EXOC6B: variants seen among roughly 807,000 people sequenced by gnomAD.
The protein encoded by EXOC6B is exocyst complex component 6B, also known as SEC15 homolog B.
In EXOC6B, 54 loss-of-function variants were observed where a neutral mutation model predicts 113.5. The ratio of observed to expected loss-of-function variants is 0.48; its 90% CI spans 0.38 to 0.60. EXOC6B has a LOEUF of 0.60. EXOC6B is among the 20% of genes least tolerant of loss of function. The pLI, the probability that EXOC6B is intolerant of heterozygous loss-of-function variation, is 0.00. For missense variants in EXOC6B, 797 were observed against 977.5 expected (o/e 0.82, Z 2.46); for synonymous variants, 357 against 339.0 (o/e 1.05, Z -0.58).
chr2:72,550,805 A>G (rs945785444), intron 8 of EXOC6B, among the ~76,000 whole-genome samples: 1 of 151,992 alleles, frequency 6.6e-6, no homozygotes, highest in African/African-American at 2.4e-5. Flanking sequence ...CAGAACCCCT[A>G]TCTACATGTC....
At chr2:72,297,638 C>T (rs1358085574) in intron 20 of EXOC6B, among the ~76,000 whole-genome samples, 1 of 152,110 alleles carries the variant, frequency 6.6e-6, no homozygotes, top group Admixed American at 6.5e-5. Context: ...CTCTTGTGGG[C>T]ATTTAGTGCT....
intron 20 of EXOC6B, among the ~76,000 whole-genome samples, chr2:72,320,161 AAATT>A (rs1687768154): frequency 6.7e-6 from 1 of 150,096 alleles, no homozygotes; most frequent in African/African-American, 2.4e-5. Flanking sequence ...AGAAATTGAC[AAATT>A]GATTGTAAGA....
chr2:72,593,723 A>G (rs1051810388), intron 6 of EXOC6B, among the ~76,000 whole-genome samples: 1 of 152,108 alleles, frequency 6.6e-6, no homozygotes, highest in African/African-American at 2.4e-5. Context: ...AAGGAATCAA[A>G]GGCAAAACAG....
intron 7 of EXOC6B, among the ~76,000 whole-genome samples, chr2:72,568,211 G>A (rs1009163464): frequency 6.6e-6 from 1 of 151,948 alleles, no homozygotes; most frequent in Admixed American, 6.6e-5. Context: ...TGAACAGATG[G>A]ATATTAAGGG....
At chr2:72,394,889 A>G (rs1486787854) in intron 18 of EXOC6B, among the ~76,000 whole-genome samples, 1 of 151,972 alleles carries the variant, frequency 6.6e-6, no homozygotes, top group African/African-American at 2.4e-5. Context: ...TTCAAGACAC[A>G]CCCTCTCAAC....
At chr2:72,331,148 C>T (rs898890921) in intron 20 of EXOC6B, among the ~76,000 whole-genome samples, 1 of 152,086 alleles carries the variant, frequency 6.6e-6, no homozygotes, top group African/African-American at 2.4e-5. Context: ...CTTCATCCTT[C>T]AATGTAGTAC....
intron 18 of EXOC6B, among the ~76,000 whole-genome samples, chr2:72,401,527 ATATATATATATATATATGTG>A (rs1693193291): frequency 2.1e-3 from 9 of 4,302 alleles, no homozygotes; most frequent in Admixed American, 3.3e-3. Context: ...ATATATACAT[ATATATATATATATATATGTG>A]TATATATATA....
chr2:72,483,539 A>G (rs1188671956), intron 16 of EXOC6B, among the ~76,000 whole-genome samples: 1 of 152,238 alleles, frequency 6.6e-6, no homozygotes, highest in Non-Finnish European at 1.5e-5. Context: ...CTGTCAACAC[A>G]AAAGATCACT....
chr2:72,185,169 C>A (rs979073789), intron 20 of EXOC6B, among the ~76,000 whole-genome samples: 1 of 152,236 alleles, frequency 6.6e-6, no homozygotes, highest in Non-Finnish European at 1.5e-5. Context: ...GAGGGAGAAC[C>A]CTCACAGTAC....
intron 20 of EXOC6B, among the ~76,000 whole-genome samples, chr2:72,269,830 T>C (rs11893107): frequency 0.014 from 2,163 of 152,260 alleles, 51 homozygotes; most frequent in African/African-American, 0.049. Flanking sequence ...CATAGATTTG[T>C]CTAGCACACA....
intron 11 of EXOC6B, 139 bp downstream of exon 11, chr2:72,512,992 AC>A: frequency 1.0e-6 from 1 of 963,918 alleles, no homozygotes; most frequent in Non-Finnish European, 1.5e-6. Flanking sequence ...TGAAGCAGCT[AC>A]TTCTATGTCT....
intron 15 of EXOC6B, among the ~76,000 whole-genome samples, chr2:72,494,813 C>T (rs901743305): frequency 1.3e-5 from 2 of 152,078 alleles, no homozygotes; most frequent in African/African-American, 2.4e-5. Flanking sequence ...TATTTCTATA[C>T]CAAGCAGCAT....
At chr2:72,389,736 A>C (rs1321189977) in intron 18 of EXOC6B, among the ~76,000 whole-genome samples, 1 of 152,144 alleles carries the variant, frequency 6.6e-6, no homozygotes, top group Admixed American at 6.6e-5. Flanking sequence ...GTTTCTGATT[A>C]AAAAGAAGTA....
intron 6 of EXOC6B, among the ~76,000 whole-genome samples, chr2:72,710,429 A>T (rs1679198316): frequency 6.6e-6 from 1 of 152,138 alleles, no homozygotes; most frequent in African/African-American, 2.4e-5. Context: ...GAAAAAAAAA[A>T]TGTTTAAAAA....
chr2:72,411,642 A>C (rs1036902629), intron 18 of EXOC6B, among the ~76,000 whole-genome samples: 6 of 152,334 alleles, frequency 3.9e-5, no homozygotes, highest in African/African-American at 1.4e-4. Flanking sequence ...TTTATAATAC[A>C]CATGTAGTAT....
intron 21 of EXOC6B, among the ~76,000 whole-genome samples, chr2:72,179,666 C>T (rs1463951550): frequency 6.6e-6 from 1 of 152,068 alleles, no homozygotes; most frequent in African/African-American, 2.4e-5. Flanking sequence ...ACTTCAGTCA[C>T]CTTTGGAAAC....
chr2:72,750,618 G>C, intron 1 of EXOC6B, among the ~76,000 whole-genome samples: 1 of 152,102 alleles, frequency 6.6e-6, no homozygotes. Context: ...TGCCTATCTG[G>C]TGTTAGCTCT....
Position 72,416,493 on chromosome 2 carries a change from A to C in EXOC6B, c.1981-36623T>G, listed in dbSNP as rs540863087. Reference sequence around the variant, plus strand: ...TAACTTGCACATATCTCCAAATTGGAAAGAGGACAAATGGGAAACACAGCA... The same window carrying C: ...TAACTTGCACATATCTCCAAATTGGCAAGAGGACAAATGGGAAACACAGCA... On this transcript the variant is annotated intron_variant, in intron 18 of 21. Transcript: ENST00000272427. Among the ~76,000 whole-genome samples, 48 of 152,340 alleles carry C rather than the reference A, an allele frequency of 3.2e-4. 1 individual carries two copies. In the South Asian group the frequency reaches 8.5e-3, roughly 27 times the overall value.
chr2:72,500,663 T>C (rs1025906972), intron 11 of EXOC6B, among the ~76,000 whole-genome samples: 1 of 152,172 alleles, frequency 6.6e-6, no homozygotes, highest in Non-Finnish European at 1.5e-5. Context: ...ATAATGTCCA[T>C]GTATAACCTC....
Sources: gnomAD v4.1 joint callset for allele counts (sites outside exome capture counted in the v4.1 genomes callset) on GRCh38, gnomAD v4.1.1 for gene constraint, MANE v1.5 for transcripts, NCBI Gene and HGNC (gene_info 2026-07-23, HGNC 2026-07-21) for gene names.